Variants in NYAP2 observed in about 807,000 individuals in gnomAD.
NYAP2 encodes neuronal tyrosine-phosphorylated phosphoinositide-3-kinase adaptor 2.
Under a neutral mutation model 50.4 loss-of-function variants are expected in NYAP2, and 23 were observed. The observed-to-expected ratio is 0.46, with a 90% CI of 0.33 to 0.65. The LOEUF (loss-of-function observed/expected upper bound fraction) is 0.65, where lower values mean the gene tolerates loss of function less well. Among genes scored for constraint, NYAP2 ranks in the 30% least tolerant of loss-of-function variants. NYAP2 has a pLI of 0.02. For synonymous variants in NYAP2, 394 were observed against 365.2 expected, an observed-to-expected ratio of 1.08 and a Z score of -0.90; for missense variants, 885 against 861.0, an observed-to-expected ratio of 1.03 and a Z score of -0.35.
intron 5 of NYAP2, among the ~76,000 whole-genome samples, chr2:225,604,349 TC>T (rs1489909052): frequency 6.6e-6 from 1 of 152,142 alleles, no homozygotes; most frequent in African/African-American, 2.4e-5. Flanking sequence ...GATTAGTGAT[TC>T]CCTATTCTAC....
chr2:225,651,677 G>C, exon 7 of NYAP2: 1 of 1,103,684 alleles, frequency 9.1e-7, no homozygotes, highest in African/African-American at 1.6e-5. Flanking sequence ...AGGGGATGCG[G>C]GGGATGAGTT....
chr2:225,624,003 A>G (rs1047038817), intron 5 of NYAP2, among the ~76,000 whole-genome samples: 4 of 152,262 alleles, frequency 2.6e-5, no homozygotes, highest in Admixed American at 2.0e-4. Flanking sequence ...CCAATGGAAA[A>G]TTAACACGCT....
intron 4 of NYAP2, among the ~76,000 whole-genome samples, chr2:225,544,759 G>A (rs2106206016): frequency 6.6e-6 from 1 of 152,062 alleles, no homozygotes; most frequent in South Asian, 2.1e-4. Context: ...TTTTCTATGT[G>A]CTTACTATTA....
chr2:225,472,388 G>T (rs966045836), intron 3 of NYAP2, among the ~76,000 whole-genome samples: 8 of 152,186 alleles, frequency 5.3e-5, no homozygotes, highest in African/African-American at 1.4e-4. Context: ...AGAGGAATCT[G>T]CTCCCATAGC....
At chr2:225,563,336 G>A (rs1691906914) in intron 4 of NYAP2, among the ~76,000 whole-genome samples, 1 of 152,130 alleles carries the variant, frequency 6.6e-6, no homozygotes, top group Non-Finnish European at 1.5e-5. Flanking sequence ...GGGAGGCAGG[G>A]GAGTGAAGAG....
chr2:225,624,809 A>G (rs1470920961), intron 5 of NYAP2, among the ~76,000 whole-genome samples: 1 of 152,096 alleles, frequency 6.6e-6, no homozygotes, highest in Non-Finnish European at 1.5e-5. Flanking sequence ...CAAGGAAGTT[A>G]GGTAGGGCTG....
intron 4 of NYAP2, among the ~76,000 whole-genome samples, chr2:225,564,128 GCC>G (rs892350054): frequency 5.9e-5 from 9 of 151,926 alleles, no homozygotes; most frequent in Non-Finnish European, 1.3e-4. Flanking sequence ...TTCACAAATA[GCC>G]CATGACTCCA....
intron 4 of NYAP2, among the ~76,000 whole-genome samples, chr2:225,567,877 C>T (rs1691988888): frequency 6.6e-6 from 1 of 152,128 alleles, no homozygotes; most frequent in Non-Finnish European, 1.5e-5. Flanking sequence ...AGAGGTCTGG[C>T]ATGCTATTAG....
At chr2:225,532,831 A>G (rs1045536487) in intron 4 of NYAP2, among the ~76,000 whole-genome samples, 5 of 152,132 alleles carry the variant, frequency 3.3e-5, no homozygotes, top group African/African-American at 1.2e-4. Context: ...CAAGGCCTTG[A>G]TTATGATCTG....
chr2:225,620,377 G>A (rs942062214), intron 5 of NYAP2, among the ~76,000 whole-genome samples: 6 of 150,854 alleles, frequency 4.0e-5, no homozygotes, highest in African/African-American at 1.5e-4. Flanking sequence ...ACACACACAG[G>A]CACCCACACG....
At chr2:225,656,081 T>G (rs1162085442), downstream of NYAP2, among the ~76,000 whole-genome samples, 1 of 152,100 alleles carries the variant, frequency 6.6e-6, no homozygotes, top group Non-Finnish European at 1.5e-5. Context: ...GGAGGCTTGT[T>G]TATCACACTA....
intron 3 of NYAP2, among the ~76,000 whole-genome samples, chr2:225,465,530 C>A (rs1409736922): frequency 6.6e-6 from 1 of 152,078 alleles, no homozygotes; most frequent in African/African-American, 2.4e-5. Flanking sequence ...GTCTAGCCAA[C>A]ATAGTGAAAC....
chr2:225,582,688 A>G lies in NYAP2; in HGVS notation c.1271A>G (p.Gln424Arg). 2 of 1,596,188 alleles carry G rather than the reference A, an allele frequency of 1.3e-6. No individual in the cohort carries two copies. Among genetic ancestry groups the G allele is most frequent in the Non-Finnish European group, 1.7e-6 (2 of 1,170,632 alleles). The change falls in exon 5 of 7, where the codon CAG (glutamine) becomes CGG (arginine). Residue 424 changes from glutamine (Q) to arginine (R), a missense_variant. Transcript: ENST00000636099. This position sits in a 1 kb window ranked among gnomAD's most constrained non-coding sequence, Gnocchi z 7.0. Reference sequence around the variant, plus strand: ...CCCCCGTCTACGCTGTACCGAACCCAGTCTCCCCATGGCTACCCTAAAAGT... The same window carrying G: ...CCCCCGTCTACGCTGTACCGAACCCGGTCTCCCCATGGCTACCCTAAAAGT...
intron 6 of NYAP2, among the ~76,000 whole-genome samples, chr2:225,630,703 A>G (rs965418977): frequency 1.3e-5 from 2 of 152,140 alleles, no homozygotes; most frequent in Non-Finnish European, 2.9e-5. Flanking sequence ...TATGTGGTGG[A>G]TATTTGGATA....
At chr2:225,422,777 A>C (rs1456872104) in intron 3 of NYAP2, among the ~76,000 whole-genome samples, 1 of 152,096 alleles carries the variant, frequency 6.6e-6, no homozygotes, top group African/African-American at 2.4e-5. Context: ...AGAATAAAGG[A>C]GAAAAGGAAA....
intron 3 of NYAP2, among the ~76,000 whole-genome samples, chr2:225,472,427 G>A (rs919182379): frequency 1.3e-5 from 2 of 152,332 alleles, no homozygotes; most frequent in African/African-American, 4.8e-5. Flanking sequence ...ATGTGAGTGT[G>A]TTTGGCTAAC....
chr2:225,498,294 G>A (rs532717889), intron 3 of NYAP2, among the ~76,000 whole-genome samples: 11 of 152,274 alleles, frequency 7.2e-5, no homozygotes, highest in South Asian at 2.1e-4. Context: ...AAGAGAGTGG[G>A]TATTGATGAA....
chr2:225,475,822 T>G (rs556989844), intron 3 of NYAP2, among the ~76,000 whole-genome samples: 2 of 152,324 alleles, frequency 1.3e-5, no homozygotes, highest in East Asian at 3.9e-4. Context: ...TTTCAGTGTC[T>G]CATAAAAGCT....
chr2:225,590,040 T>G (rs1285289122), intron 5 of NYAP2, among the ~76,000 whole-genome samples: 1 of 152,216 alleles, frequency 6.6e-6, no homozygotes, highest in Non-Finnish European at 1.5e-5. Flanking sequence ...AGTTGAGCTA[T>G]ACCCAGATAC....
Sources: gnomAD v4.1 joint callset for allele counts (sites outside exome capture counted in the v4.1 genomes callset) on GRCh38, gnomAD v4.1.1 for gene constraint, Gnocchi (gnomAD v3.1) non-coding constraint, MANE v1.5 for transcripts, NCBI Gene and HGNC (gene_info 2026-07-23, HGNC 2026-07-21) for gene names.